The following CNNM2 variants were observed in gnomAD, a reference collection of about 807,000 sequenced individuals.
The protein encoded by CNNM2 is metal transporter CNNM2.
Under a neutral mutation model 66.9 loss-of-function variants are expected in CNNM2, and 12 were observed. The ratio of observed to expected loss-of-function variants is 0.18; its 90% CI spans 0.11 to 0.29. The LOEUF is 0.29. CNNM2 is among the 10% of genes least tolerant of loss of function. The pLI, the probability that CNNM2 is intolerant of heterozygous loss-of-function variation, is 1.00. For synonymous variants in CNNM2, 557 were observed against 501.8 expected, an observed-to-expected ratio of 1.11 and a Z score of -1.47; for missense variants, 705 against 1,167.7, an observed-to-expected ratio of 0.60 and a Z score of 5.77.
intron 1 of CNNM2, among the ~76,000 whole-genome samples, chr10:102,973,502 CTG>C (rs533098295): frequency 1.3e-3 from 192 of 149,332 alleles, no homozygotes; most frequent in African/African-American, 3.5e-3. Context: ...TGCTAATTTT[CTG>C]TGTGTGTGTG....
chr10:102,938,747 G>C (rs1846330071), intron 1 of CNNM2, among the ~76,000 whole-genome samples: 1 of 151,360 alleles, frequency 6.6e-6, no homozygotes, highest in South Asian at 2.1e-4. Context: ...CTCTTAAATA[G>C]TCCTATGCCT....
chr10:103,082,874 C>G lies in CNNM2; in HGVS notation c.*5694C>G, dbSNP rs1484404831. The G allele has an allele frequency of 6.6e-6, 1 of 152,236 alleles. No individual in the cohort carries two copies. The highest frequency in any genetic ancestry group is 1.5e-5 in the Non-Finnish European group (1 of 68,088). The allele number at this position is 152,236 out of a possible 1,614,324, so 9.4% of individuals were successfully genotyped here. ...AGGCTCTCTTCCCCTATGTAGGGTACAGTACAGCTGTGAGTCCACGGCCTC... is the reference window on the plus strand; with the variant it reads ...AGGCTCTCTTCCCCTATGTAGGGTAGAGTACAGCTGTGAGTCCACGGCCTC... On this transcript the variant is annotated 3_prime_UTR_variant, in exon 8 of 8. Coordinates refer to ENST00000369878, the MANE Select transcript of CNNM2 (RefSeq NM_017649.5).
chr10:103,026,601 C>CAAAAAA (rs887780071), intron 1 of CNNM2, among the ~76,000 whole-genome samples: 1 of 64,932 alleles, frequency 1.5e-5, no homozygotes, highest in Non-Finnish European at 2.9e-5. Context: ...ACCTTGTCTT[C>CAAAAAA]AAAAAAAAAA....
At chr10:102,985,815 G>C (rs1261181170) in intron 1 of CNNM2, among the ~76,000 whole-genome samples, 1 of 152,220 alleles carries the variant, frequency 6.6e-6, no homozygotes, top group Admixed American at 6.5e-5. Context: ...GGAAAGGGGG[G>C]CCTTCTAAAC....
chr10:102,999,134 G>C (rs2064063167), intron 1 of CNNM2, among the ~76,000 whole-genome samples: 4 of 150,026 alleles, frequency 2.7e-5, no homozygotes, highest in East Asian at 2.0e-4. Context: ...GTAGTGGCGC[G>C]ATCTTGGCTC....
intron 1 of CNNM2, among the ~76,000 whole-genome samples, chr10:103,001,368 G>GA (rs1320697238): frequency 1.3e-5 from 2 of 151,996 alleles, no homozygotes; most frequent in African/African-American, 4.8e-5. Context: ...AAAATTGGGG[G>GA]AAAAAATCTT....
At chr10:102,933,135 A>G (rs1846121611) in intron 1 of CNNM2, among the ~76,000 whole-genome samples, 1 of 152,076 alleles carries the variant, frequency 6.6e-6, no homozygotes, top group Admixed American at 6.5e-5. Flanking sequence ...TTCCATGTGA[A>G]TTTTTCAGGG....
At chr10:103,011,452 C>CAAAA (rs2064340855) in intron 1 of CNNM2, among the ~76,000 whole-genome samples, 1 of 110,956 alleles carries the variant, frequency 9.0e-6, no homozygotes, top group Non-Finnish European at 2.0e-5. Flanking sequence ...GACTCCATCT[C>CAAAA]AAAAAATAAA....
chr10:103,084,418 A>G lies in CNNM2; in HGVS notation c.*7238A>G, dbSNP rs2065784101. ...CTGAAAGTAGAATGAGGTGTATCTT[A>G]GCCCAGTGAAATGCTGTCTTCGAAC... On this transcript the variant is annotated 3_prime_UTR_variant, in exon 8 of 8. Coordinates refer to ENST00000369878, the MANE Select transcript of CNNM2 (RefSeq NM_017649.5). The G allele has an allele frequency of 6.6e-6, 1 of 152,212 alleles. No homozygotes were observed. Among genetic ancestry groups the G allele is most frequent in the South Asian group, 2.1e-4 (1 of 4,830 alleles). 9.4% of individuals were successfully genotyped at this position (152,212 alleles called of 1,614,324 possible). A position where few individuals can be genotyped will look rare whatever the true frequency, so the allele number is the denominator to read the frequency against.
At chr10:103,001,996 CAAAT>C (rs928829478) in intron 1 of CNNM2, among the ~76,000 whole-genome samples, 5 of 151,846 alleles carry the variant, frequency 3.3e-5, no homozygotes, top group Non-Finnish European at 7.4e-5. Flanking sequence ...GACTTTCTCC[CAAAT>C]AAATAAATAA....
At chr10:103,050,361 G>T (rs1263739704) in intron 2 of CNNM2, among the ~76,000 whole-genome samples, 1 of 152,028 alleles carries the variant, frequency 6.6e-6, no homozygotes, top group African/African-American at 2.4e-5. Flanking sequence ...GTGAAACCTT[G>T]TCTTTACTAA....
At chr10:103,000,347 C>T (rs906727663) in intron 1 of CNNM2, among the ~76,000 whole-genome samples, 6 of 151,890 alleles carry the variant, frequency 4.0e-5, no homozygotes, top group East Asian at 1.9e-4. Flanking sequence ...ATAGAATTAC[C>T]GTATGATCCA....
rs376537463 is a variant in CNNM2 at position 102,995,429 on chromosome 10, T to C, written c.1622-54278T>C. 4.0e-5 allele frequency among the ~76,000 whole-genome samples: 6 copies of C among 151,594 alleles called. No homozygotes were observed. The South Asian group carries it at 1.3e-3, about 32-fold the overall frequency. ...GGTTTTGCCATGTTGGCCAGGCCGG[T>C]TTTGAACTCCTGACCTCAAGTGATC... On this transcript the variant is annotated intron_variant, in intron 1 of 7. Transcript: ENST00000369878.
At chr10:102,979,303 C>T (rs762470066) in intron 1 of CNNM2, among the ~76,000 whole-genome samples, 11 of 152,150 alleles carry the variant, frequency 7.2e-5, no homozygotes, top group Non-Finnish European at 1.6e-4. Flanking sequence ...TCAACTCACT[C>T]AATAATAGCT....
chr10:102,967,581 A>G (rs552120756), intron 1 of CNNM2, among the ~76,000 whole-genome samples: 2 of 152,338 alleles, frequency 1.3e-5, no homozygotes, highest in African/African-American at 4.8e-5. Flanking sequence ...AGGCTCAGCC[A>G]TGGTGTAGCA....
intron 1 of CNNM2, among the ~76,000 whole-genome samples, chr10:103,005,298 A>G (rs963395182): frequency 6.6e-6 from 1 of 152,088 alleles, no homozygotes; most frequent in African/African-American, 2.4e-5. Context: ...CGTTGATACT[A>G]TTGTCAATGA....
chr10:102,919,637 C>T lies in CNNM2; in HGVS notation c.1157C>T (p.Thr386Ile). Residue 386 changes from threonine (T) to isoleucine (I), a missense_variant, in exon 1 of 8, where the codon ACC (threonine) becomes ATC (isoleucine). Transcript: ENST00000369878. ...CTCACCAAGTTTTTCATGATGATGA[C>T]CTTCCCCGCTTCCTACCCGGTCAGC... ...IFLTKFFMMM[T>I]FPASYPVSKL... The T allele has an allele frequency of 6.2e-7, 1 of 1,614,078 alleles. No homozygotes were observed. Among genetic ancestry groups the T allele is most frequent in the Non-Finnish European group, 8.5e-7 (1 of 1,180,034 alleles).
intron 1 of CNNM2, among the ~76,000 whole-genome samples, chr10:103,000,277 A>G (rs1287452238): frequency 4.2e-5 from 6 of 143,990 alleles, no homozygotes; most frequent in South Asian, 2.2e-4. Flanking sequence ...AAATAAATAA[A>G]TAAATAAAAT....
intron 1 of CNNM2, among the ~76,000 whole-genome samples, chr10:102,926,701 A>C (rs1590258762): frequency 1.4e-5 from 2 of 143,502 alleles, no homozygotes; most frequent in African/African-American, 2.6e-5. Flanking sequence ...GTGTGCCACC[A>C]CACCCAGCTA....
Sources: gnomAD v4.1 joint callset for allele counts (sites outside exome capture counted in the v4.1 genomes callset) on GRCh38, gnomAD v4.1.1 for gene constraint, MANE v1.5 for transcripts, NCBI Gene and HGNC (gene_info 2026-07-23, HGNC 2026-07-21) for gene names.